Variants in LPIN2 observed in about 807,000 individuals in gnomAD.
The protein encoded by LPIN2 is phosphatidate phosphatase LPIN2.
Under a neutral mutation model 111.4 loss-of-function variants are expected in LPIN2, and 55 were observed. The observed-to-expected ratio is 0.49, with a 90% confidence interval of 0.40 to 0.62. LPIN2 has a LOEUF of 0.62. Among genes scored for constraint, LPIN2 ranks in the 20% least tolerant of loss-of-function variants. The pLI is 0.00. For missense variants in LPIN2, 992 were observed against 1,112.1 expected (o/e 0.89, Z 1.54); for synonymous variants, 425 against 414.0 (o/e 1.03, Z -0.32).
At chr18:2,960,006 T>C (rs1306124310) in intron 2 of LPIN2, among the ~76,000 whole-genome samples, 2 of 152,154 alleles carry the variant, frequency 1.3e-5, no homozygotes, top group East Asian at 3.9e-4. Flanking sequence ...CCGTCTCTAC[T>C]AAAAATACAA....
At chr18:3,002,714 T>C (rs1036395420) in intron 1 of LPIN2, among the ~76,000 whole-genome samples, 6 of 152,258 alleles carry the variant, frequency 3.9e-5, no homozygotes, top group African/African-American at 1.4e-4. Context: ...ACAATGTTTT[T>C]CTTTGAGATA....
At chr18:2,922,273 C>T (rs1472387282) in intron 16 of LPIN2, 74 bp from the exon 17 acceptor site, 1 of 1,525,480 alleles carries the variant, frequency 6.6e-7, no homozygotes, top group African/African-American at 1.4e-5. Context: ...AAAAAAAAAC[C>T]CCACACTTTT....
rs778825863 is a variant in LPIN2, at chr18:2,937,814, G to A, written c.1046C>T (p.Pro349Leu). The A allele has an allele frequency of 7.4e-6, 12 of 1,614,132 alleles. No individual in the cohort carries two copies. In the South Asian group the frequency reaches 1.3e-4, roughly 18 times the overall value. The change falls in exon 7 of 20, where the codon CCT becomes CTT. Residue 349 changes from proline to leucine, a missense_variant. Around this residue, in one of 4 missense-constraint regions of LPIN2, gnomAD observed 709 missense variants for 753.2 expected, o/e 0.94. Coordinates refer to ENST00000677752, the MANE Select transcript of LPIN2 (RefSeq NM_001375808.2). ...AGATGAAATCTGAGTACTCTCAAGA[G>A]GAGGTTCGAGAAGCTCTGCCACAGA... Reference protein sequence around the residue: ...PTSVAELLEPPLESTQISSML... With the variant: ...PTSVAELLEPLLESTQISSML...
At position 2,922,328 on chromosome 18, in the gene LPIN2, G is replaced by T. The variant is rs1318636979; in HGVS notation, c.2175-129C>A. The T allele has an allele frequency of 1.0e-5, 11 of 1,077,786 alleles. No individual in the cohort carries two copies. In the Admixed American group the frequency reaches 2.7e-4, roughly 26 times the overall value. The allele number at this position is 1,077,786 out of a possible 1,614,324, so 66.8% of individuals were successfully genotyped here. A position where few individuals can be genotyped will look rare whatever the true frequency, so the allele number is the denominator to read the frequency against. On this transcript the variant is annotated intron_variant, in intron 16 of 19. Coordinates refer to ENST00000677752, the MANE Select transcript of LPIN2 (RefSeq NM_001375808.2). The stretch of plus-strand genomic sequence containing the variant: ...CTCACTCTGTTACCCAGGCTGGAGT[G>T]CTGTGGCGCCATCTCGGCTCACTGC...
intron 4 of LPIN2, among the ~76,000 whole-genome samples, chr18:2,943,729 G>C (rs569486246): frequency 6.6e-6 from 1 of 152,268 alleles, no homozygotes; most frequent in Admixed American, 6.5e-5. Flanking sequence ...CCCAGTATCA[G>C]ATGTTTATGT....
intron 4 of LPIN2, among the ~76,000 whole-genome samples, chr18:2,941,829 G>A (rs560637888): frequency 6.6e-5 from 10 of 152,200 alleles, no homozygotes; most frequent in Non-Finnish European, 1.5e-4. Flanking sequence ...GGAGGCTAAG[G>A]CAGAGAACTG....
chr18:2,981,098 T>C (rs2078103586), intron 1 of LPIN2, among the ~76,000 whole-genome samples: 1 of 152,192 alleles, frequency 6.6e-6, no homozygotes, highest in Non-Finnish European at 1.5e-5. Flanking sequence ...ATATGATACA[T>C]TTATATTCCC....
In LPIN2 at chr18:2,922,167, C is replaced by T. The variant is rs779519224; in HGVS notation, c.2207G>A (p.Arg736His). 6.2e-6 allele frequency: 10 copies of T among 1,613,638 alleles called. No homozygotes were observed. In the Admixed American group the frequency reaches 8.3e-5, roughly 13 times the overall value. Residue 736 changes from arginine (R) to histidine (H), a missense_variant, in exon 17 of 20, where the codon CGT becomes CAT. Around this residue, in one of 4 missense-constraint regions of LPIN2, gnomAD observed 31 missense variants for 60.3 expected, o/e 0.51. Coordinates refer to ENST00000677752, the MANE Select transcript of LPIN2 (RefSeq NM_001375808.2). Reference sequence around the variant, plus strand: ...GGTCATGTCGGCCATGCCGATGGCACGAGCCGAGCAGTACAGAAACTTGTA... The same window carrying T: ...GGTCATGTCGGCCATGCCGATGGCATGAGCCGAGCAGTACAGAAACTTGTA... ...NGYKFLYCSA[R>H]AIGMADMTRG...
intron 7 of LPIN2, among the ~76,000 whole-genome samples, chr18:2,937,161 T>C (rs2077298006): frequency 1.3e-5 from 2 of 152,128 alleles, no homozygotes; most frequent in Admixed American, 6.5e-5. Context: ...ACCCACTGAG[T>C]AGCAACAGTC....
At chr18:3,000,023 C>G (rs572075139) in intron 1 of LPIN2, among the ~76,000 whole-genome samples, 15 of 83,324 alleles carry the variant, frequency 1.8e-4, no homozygotes, top group African/African-American at 5.8e-4. Context: ...GACCCTATCT[C>G]TGTTTTGTTT....
intron 1 of LPIN2, chr18:2,990,922 C>A (rs1017744819): frequency 3.6e-6 from 2 of 551,442 alleles, no homozygotes; most frequent in Non-Finnish European, 7.1e-6. Flanking sequence ...GCACCCCACA[C>A]GGGGCCCTCC....
At chr18:3,008,673 ATAAT>A (rs1238185091) in intron 1 of LPIN2, among the ~76,000 whole-genome samples, 4 of 152,124 alleles carry the variant, frequency 2.6e-5, no homozygotes, top group Admixed American at 2.6e-4. Flanking sequence ...CCAAAGCCAA[ATAAT>A]TTTTAAACCT....
At chr18:2,946,191 T>C in intron 4 of LPIN2, 1 of 1,609,162 alleles carries the variant, frequency 6.2e-7, no homozygotes, top group Non-Finnish European at 8.5e-7. Context: ...AATTCCAAAT[T>C]TGTCATTGGT....
intron 1 of LPIN2, among the ~76,000 whole-genome samples, chr18:3,002,729 C>T (rs868680910): frequency 6.6e-6 from 1 of 152,154 alleles, no homozygotes; most frequent in Non-Finnish European, 1.5e-5. Context: ...GAGATAAAAA[C>T]AAGCTTTTAA....
Position 2,954,547 on chromosome 18 carries a change from T to C in LPIN2, c.245A>G (p.Asp82Gly), listed in dbSNP as rs1204296716. Reference sequence around the variant, plus strand: ...CTCAACAAAGAAAGCTTCTCCGTTATCACCCAACTTCATGTGAAGATCCAC... The same window carrying C: ...CTCAACAAAGAAAGCTTCTCCGTTACCACCCAACTTCATGTGAAGATCCAC... ...SAVDLHMKLGDNGEAFFVEET... is the reference protein window; with the variant it reads ...SAVDLHMKLGGNGEAFFVEET... The change falls in exon 3 of 20, where the codon GAT (aspartate) becomes GGT (glycine). Residue 82 changes from aspartate to glycine, a missense_variant. Around this residue, in one of 4 missense-constraint regions of LPIN2, gnomAD observed 67 missense variants for 112.1 expected, o/e 0.60. Coordinates refer to ENST00000677752, the MANE Select transcript of LPIN2 (RefSeq NM_001375808.2). 4 of 1,614,044 alleles carry C rather than the reference T, an allele frequency of 2.5e-6. No individual in the cohort carries two copies.
At chr18:2,941,861 T>C (rs1310496973) in intron 4 of LPIN2, among the ~76,000 whole-genome samples, 1 of 152,200 alleles carries the variant, frequency 6.6e-6, no homozygotes, top group African/African-American at 2.4e-5. Flanking sequence ...GAGGCAGAGG[T>C]TGCAGTGAGC....
At chr18:3,012,846 G>C (rs2078630362) in intron 1 of LPIN2, among the ~76,000 whole-genome samples, 1 of 151,768 alleles carries the variant, frequency 6.6e-6, no homozygotes, top group Non-Finnish European at 1.5e-5. Flanking sequence ...TCCGTCCTGC[G>C]GCGGCGGCGG....
At chr18:2,993,697 A>G (rs606574) in intron 1 of LPIN2, among the ~76,000 whole-genome samples, 96,453 of 152,064 alleles carry the variant, frequency 0.63, 32,244 homozygotes, top group East Asian at 0.84. Context: ...GACCACAACA[A>G]ATCCACTTCT....
intron 1 of LPIN2, among the ~76,000 whole-genome samples, chr18:3,002,396 T>C (rs1027542544): frequency 1.3e-5 from 2 of 152,164 alleles, no homozygotes; most frequent in Admixed American, 6.5e-5. Context: ...AGAAAAACAT[T>C]AGAGGCCTTA....
Sources: gnomAD v4.1 joint callset for allele counts (sites outside exome capture counted in the v4.1 genomes callset) on GRCh38, gnomAD v4.1.1 for gene constraint, gnomAD v4.1.1 regional missense constraint, MANE v1.5 for transcripts, NCBI Gene and HGNC (gene_info 2026-07-23, HGNC 2026-07-21) for gene names.